Variants in ARB2A observed in about 807,000 individuals in gnomAD.
ARB2A encodes the protein cotranscriptional regulator ARB2A.
the ARB2A span, among the ~76,000 whole-genome samples, chr5:93,652,848 T>C: frequency 1.3e-5 from 2 of 152,284 alleles, no homozygotes; most frequent in African/African-American, 4.8e-5. Flanking sequence ...AAACACACTT[T>C]GGAAAATTTT....
the ARB2A span, among the ~76,000 whole-genome samples, chr5:94,058,109 TA>T: frequency 6.6e-6 from 1 of 151,938 alleles, no homozygotes; most frequent in Non-Finnish European, 1.5e-5. Context: ...TATGTATGCC[TA>T]TTAGCCCTAG....
At chr5:93,810,708 T>A in the ARB2A span, among the ~76,000 whole-genome samples, 15 of 152,210 alleles carry the variant, frequency 9.9e-5, no homozygotes, top group South Asian at 2.5e-3. Context: ...GTACCTGGCA[T>A]AAATAATATT....
the ARB2A span, among the ~76,000 whole-genome samples, chr5:93,855,692 G>T: frequency 6.6e-6 from 1 of 152,132 alleles, no homozygotes; most frequent in Non-Finnish European, 1.5e-5. Flanking sequence ...TCTCTGTAAA[G>T]TATTTTATTT....
chr5:93,636,275 A>G, the ARB2A span, among the ~76,000 whole-genome samples: 430 of 152,344 alleles, frequency 2.8e-3, 1 homozygote, highest in Admixed American at 4.6e-3. Context: ...TCTAAAGCCC[A>G]GAGACCAATT....
the ARB2A span, among the ~76,000 whole-genome samples, chr5:93,978,008 G>GA: frequency 2.0e-5 from 3 of 151,882 alleles, no homozygotes; most frequent in African/African-American, 7.2e-5. Context: ...CAACAAACAT[G>GA]AAAAAAATGC....
the ARB2A span, among the ~76,000 whole-genome samples, chr5:94,034,796 T>C: frequency 6.6e-6 from 1 of 152,188 alleles, no homozygotes; most frequent in African/African-American, 2.4e-5. Context: ...ATTGGTGGCC[T>C]GTTAGGAACC....
chr5:93,634,470 T>C, the ARB2A span, among the ~76,000 whole-genome samples: 1 of 151,282 alleles, frequency 6.6e-6, no homozygotes, highest in Non-Finnish European at 1.5e-5. Context: ...GAAAGCAGAG[T>C]ATATTTCTTG....
At chr5:94,008,975 G>T in the ARB2A span, among the ~76,000 whole-genome samples, 1 of 152,022 alleles carries the variant, frequency 6.6e-6, no homozygotes, top group Admixed American at 6.6e-5. Flanking sequence ...GCAATATGTA[G>T]GTTTCTGTAC....
the ARB2A span, among the ~76,000 whole-genome samples, chr5:93,821,908 G>GC: frequency 7.2e-6 from 1 of 139,372 alleles, no homozygotes; most frequent in Non-Finnish European, 1.6e-5. Context: ...ACAAAAAGTA[G>GC]CAAAAAAAAA....
the ARB2A span, among the ~76,000 whole-genome samples, chr5:94,021,682 T>C: frequency 1.9e-4 from 29 of 151,974 alleles, no homozygotes; most frequent in East Asian, 4.3e-3. Context: ...GAGACTGGAG[T>C]TTGCAGTCCA....
chr5:93,677,012 T>C, the ARB2A span, among the ~76,000 whole-genome samples: 458 of 152,304 alleles, frequency 3.0e-3, 1 homozygote, highest in South Asian at 8.3e-3. Context: ...TGTTGACAAA[T>C]ATCATCATCC....
chr5:94,048,520 T>C, the ARB2A span, among the ~76,000 whole-genome samples: 2 of 152,212 alleles, frequency 1.3e-5, no homozygotes, highest in African/African-American at 4.8e-5. Flanking sequence ...TGCTGTCAGA[T>C]GACATTAGTC....
At chr5:93,693,890 C>T in the ARB2A span, among the ~76,000 whole-genome samples, 53 of 152,044 alleles carry the variant, frequency 3.5e-4, no homozygotes, top group Middle Eastern at 3.4e-3. Flanking sequence ...GTTCAATAGA[C>T]GCAAATCAAT....
the ARB2A span, among the ~76,000 whole-genome samples, chr5:94,103,439 A>G: frequency 6.6e-6 from 1 of 152,156 alleles, no homozygotes; most frequent in Admixed American, 6.5e-5. Context: ...AAATAATGAT[A>G]AAGGGTTCAA....
At chr5:93,725,813 G>A in the ARB2A span, among the ~76,000 whole-genome samples, 3 of 152,154 alleles carry the variant, frequency 2.0e-5, no homozygotes, top group African/African-American at 7.2e-5. Flanking sequence ...TTAATATGAA[G>A]AACTAACAGA....
chr5:93,847,475 GT>G, the ARB2A span, among the ~76,000 whole-genome samples: 3 of 151,648 alleles, frequency 2.0e-5, no homozygotes, highest in Non-Finnish European at 4.4e-5. Flanking sequence ...ACATATCCTA[GT>G]TTACAAAGTT....
At chr5:93,974,515 C>T in the ARB2A span, among the ~76,000 whole-genome samples, 1 of 151,936 alleles carries the variant, frequency 6.6e-6, no homozygotes, top group Non-Finnish European at 1.5e-5. Context: ...ATTTAACACC[C>T]CACAAAAGCT....
At chr5:93,879,005 C>T in the ARB2A span, among the ~76,000 whole-genome samples, 4 of 152,000 alleles carry the variant, frequency 2.6e-5, no homozygotes, top group Non-Finnish European at 5.9e-5. Context: ...ACCTATTAGG[C>T]TGTCACAAAG....
At chr5:93,762,681 A>G in the ARB2A span, among the ~76,000 whole-genome samples, 1 of 152,228 alleles carries the variant, frequency 6.6e-6, no homozygotes, top group East Asian at 1.9e-4. Context: ...CCAACATTCA[A>G]ATTCAGGAAA....
Sources: gnomAD v4.1 joint callset for allele counts (sites outside exome capture counted in the v4.1 genomes callset) on GRCh38, gnomAD v4.1.1 for gene constraint, MANE v1.5 for transcripts, NCBI Gene and HGNC (gene_info 2026-07-23, HGNC 2026-07-21) for gene names.